The following ZBTB20 variants were observed in gnomAD, a reference collection of about 807,000 sequenced individuals.
ZBTB20 encodes zinc finger and BTB domain containing 20.
ZBTB20 carries 9 observed loss-of-function variants against 56.9 expected under a neutral mutation model. That is an observed-to-expected ratio of 0.16 (90% confidence interval 0.10 to 0.28). The LOEUF is 0.28. Ranked by LOEUF, ZBTB20 falls within the 10% of genes least tolerant of loss-of-function variation. The probability of loss-of-function intolerance (pLI) is 1.00; values close to 1 mark genes in which losing one functional copy is unlikely to be tolerated. For synonymous variants in ZBTB20, 417 were observed against 420.7 expected, an observed-to-expected ratio of 0.99 and a Z score of 0.11; for missense variants, 655 against 1,003.0, an observed-to-expected ratio of 0.65 and a Z score of 4.69.
intron 2 of ZBTB20, among the ~76,000 whole-genome samples, chr3:115,042,903 A>G (rs756511428): frequency 6.6e-6 from 1 of 152,264 alleles, no homozygotes; most frequent in African/African-American, 2.4e-5. Flanking sequence ...TATGCAAAGA[A>G]GAAAGGGGAC....
chr3:115,063,094 T>C (rs976218763), intron 2 of ZBTB20, among the ~76,000 whole-genome samples: 2 of 152,168 alleles, frequency 1.3e-5, no homozygotes, highest in African/African-American at 4.8e-5. Flanking sequence ...ATTGTTTTTA[T>C]CATTCAAACA....
chr3:115,108,164 C>A (rs1285320592), intron 1 of ZBTB20, among the ~76,000 whole-genome samples: 1 of 152,038 alleles, frequency 6.6e-6, no homozygotes, highest in East Asian at 1.9e-4. Context: ...AAAGATATTC[C>A]CATACAACTA....
intron 4 of ZBTB20, among the ~76,000 whole-genome samples, chr3:114,847,125 T>C (rs2074744850): frequency 6.6e-6 from 1 of 152,190 alleles, no homozygotes; most frequent in African/African-American, 2.4e-5. Context: ...AGCTTCATCA[T>C]GTGTGAGCCA....
intron 5 of ZBTB20, among the ~76,000 whole-genome samples, chr3:114,793,319 T>G (rs1035208393): frequency 6.6e-6 from 1 of 152,162 alleles, no homozygotes; most frequent in Admixed American, 6.6e-5. Context: ...AACATTGGAA[T>G]TATTCCTTCT....
At chr3:114,538,910 A>G (rs1265298577) in intron 6 of ZBTB20, among the ~76,000 whole-genome samples, 1 of 152,172 alleles carries the variant, frequency 6.6e-6, no homozygotes, top group Non-Finnish European at 1.5e-5. Context: ...GCACATGCCA[A>G]TGAGATTAGA....
At chr3:114,834,219 G>T (rs2074005140) in intron 4 of ZBTB20, among the ~76,000 whole-genome samples, 1 of 152,094 alleles carries the variant, frequency 6.6e-6, no homozygotes, top group African/African-American at 2.4e-5. Flanking sequence ...GAATAATAGA[G>T]CCTAACTTAG....
chr3:115,110,476 ATATC>A (rs2083844843), intron 1 of ZBTB20, among the ~76,000 whole-genome samples: 1 of 152,244 alleles, frequency 6.6e-6, no homozygotes, highest in South Asian at 2.1e-4. Context: ...TCTACATAAA[ATATC>A]TATCTTCTTC....
intron 6 of ZBTB20, chr3:114,684,726 G>GGA (rs1156921449): frequency 1.3e-5 from 2 of 152,112 alleles, no homozygotes; most frequent in African/African-American, 4.8e-5. Context: ...TATGGTTACA[G>GGA]GAGAGGAGTT....
intron 2 of ZBTB20, among the ~76,000 whole-genome samples, chr3:115,001,099 A>C (rs1226551741): frequency 2.6e-5 from 4 of 151,238 alleles, no homozygotes; most frequent in Non-Finnish European, 4.4e-5. Flanking sequence ...AAAAAAAAAA[A>C]AAAACAAATT....
chr3:114,597,817 A>G, intron 6 of ZBTB20, among the ~76,000 whole-genome samples: 1 of 152,168 alleles, frequency 6.6e-6, no homozygotes, highest in East Asian at 1.9e-4. Flanking sequence ...CCATAGCTCA[A>G]ATATTCAATA....
chr3:114,961,260 A>G (rs955715929), intron 3 of ZBTB20, among the ~76,000 whole-genome samples: 1 of 151,836 alleles, frequency 6.6e-6, no homozygotes, highest in Non-Finnish European at 1.5e-5. Flanking sequence ...CAGGAAAAGG[A>G]TCTCAAAAGA....
chr3:114,908,411 T>C (rs1289599638), intron 3 of ZBTB20, among the ~76,000 whole-genome samples: 2 of 152,032 alleles, frequency 1.3e-5, no homozygotes, highest in African/African-American at 4.8e-5. Flanking sequence ...AGCTCAGTAA[T>C]AACCTGAGAA....
At chr3:114,448,733 C>T (rs2091424411) in intron 7 of ZBTB20, among the ~76,000 whole-genome samples, 1 of 152,016 alleles carries the variant, frequency 6.6e-6, no homozygotes, top group South Asian at 2.1e-4. Flanking sequence ...TATAAAAATA[C>T]TTCATAAATT....
intron 7 of ZBTB20, among the ~76,000 whole-genome samples, chr3:114,448,880 C>A (rs914307435): frequency 1.3e-5 from 2 of 152,042 alleles, no homozygotes; most frequent in African/African-American, 4.8e-5. Flanking sequence ...CTAACCTTTT[C>A]TCTTGTAGGT....
At chr3:114,434,116 G>A (rs1010298239) in intron 7 of ZBTB20, among the ~76,000 whole-genome samples, 1 of 152,068 alleles carries the variant, frequency 6.6e-6, no homozygotes, top group East Asian at 1.9e-4. Context: ...GCTAGAAGTT[G>A]GCATTATAAG....
chr3:114,398,214 A>G (rs2086500973), intron 7 of ZBTB20, among the ~76,000 whole-genome samples: 1 of 148,636 alleles, frequency 6.7e-6, no homozygotes, highest in Non-Finnish European at 1.5e-5. Flanking sequence ...ACTTCAATAA[A>G]TGGTTATGGT....
chr3:114,926,028 T>C (rs1038267457), intron 3 of ZBTB20, among the ~76,000 whole-genome samples: 6 of 152,226 alleles, frequency 3.9e-5, no homozygotes, highest in Admixed American at 2.0e-4. Context: ...GCCCTGTGCA[T>C]GTGCAGTTCA....
At chr3:115,119,437 T>A (rs2084117521) in intron 1 of ZBTB20, among the ~76,000 whole-genome samples, 1 of 152,206 alleles carries the variant, frequency 6.6e-6, no homozygotes, top group Non-Finnish European at 1.5e-5. Flanking sequence ...ATCAGGCATT[T>A]TACCATATTC....
At chr3:114,667,410 C>A (rs554979112) in intron 6 of ZBTB20, among the ~76,000 whole-genome samples, 1 of 152,016 alleles carries the variant, frequency 6.6e-6, no homozygotes. Flanking sequence ...TGATTGCAGG[C>A]TGCAATGATT....
Sources: gnomAD v4.1 joint callset for allele counts (sites outside exome capture counted in the v4.1 genomes callset) on GRCh38, gnomAD v4.1.1 for gene constraint, MANE v1.5 for transcripts, NCBI Gene and HGNC (gene_info 2026-07-23, HGNC 2026-07-21) for gene names.